Variants in DNHD1 observed in about 807,000 individuals in gnomAD.
The protein encoded by DNHD1 is dynein heavy chain domain 1, also known as dynein heavy chain domain-containing protein 1.
In DNHD1, 383 loss-of-function variants were observed where a neutral mutation model predicts 458.1. The ratio of observed to expected loss-of-function variants is 0.84; its 90% confidence interval spans 0.77 to 0.91. DNHD1 has a LOEUF of 0.91. DNHD1 is among the 40% of genes least tolerant of loss of function. DNHD1 has a pLI of 0.00. For missense variants in DNHD1, 5,336 were observed against 5,866.1 expected, an observed-to-expected ratio of 0.91 and a Z score of 2.95; for synonymous variants, 2,203 against 2,376.9, an observed-to-expected ratio of 0.93 and a Z score of 2.13.
chr11:6,499,966 T>G (rs1486933580), intron 3 of DNHD1, among the ~76,000 whole-genome samples: 2 of 9,542 alleles, frequency 2.1e-4, no homozygotes, highest in Non-Finnish European at 3.6e-4. Flanking sequence ...TAACTTTCGA[T>G]TTTTTTTTTT....
intron 4 of DNHD1, 199 bp from the exon 5 acceptor site, chr11:6,508,681 A>G: frequency 1.8e-6 from 1 of 570,298 alleles, no homozygotes; most frequent in Non-Finnish European, 3.1e-6. Flanking sequence ...CTTCCCATCT[A>G]CCTTTGGCTT....
intron 12 of DNHD1, 137 bp downstream of exon 12, chr11:6,529,258 G>A (rs925128903): frequency 7.4e-6 from 7 of 941,670 alleles, no homozygotes; most frequent in African/African-American, 3.3e-5. Flanking sequence ...TCCAAAGCCC[G>A]AGGTCCCAGG....
In DNHD1 at chr11:6,546,230, C is replaced by T. The variant is rs1282379135; in HGVS notation, c.5291C>T (p.Ala1764Val). The T allele has an allele frequency of 4.5e-6, 7 of 1,551,754 alleles. No homozygotes were observed. Among genetic ancestry groups the T allele is most frequent in the Non-Finnish European group, 6.1e-6 (7 of 1,146,928 alleles). The part of the protein sequence containing the change: ...QRLGELHHLY[A>V]PLYQEASRNT... The stretch of plus-strand genomic sequence containing the variant: ...CTGGGTGAACTGCACCACTTGTATG[C>T]CCCACTGTACCAGGAGGCTTCCCGA... The change falls in exon 21 of 43, where the codon GCC (alanine) becomes GTC (valine). Residue 1764 changes from alanine (A) to valine (V), a missense_variant. Around this residue, in one of 4 missense-constraint regions of DNHD1, gnomAD observed 3,932 missense variants for 4,365.6 expected, o/e 0.90. Coordinates refer to ENST00000254579, the MANE Select transcript of DNHD1 (RefSeq NM_144666.3).
In DNHD1 at chr11:6,548,060, A is replaced by G; in HGVS notation, c.6905+20A>G. The G allele has an allele frequency of 1.3e-6, 2 of 1,551,408 alleles. No individual in the cohort carries two copies. The highest frequency in any genetic ancestry group is 1.2e-5 in the South Asian group (1 of 84,034). On this transcript the variant is annotated intron_variant, in intron 22 of 42. Coordinates refer to ENST00000254579, the MANE Select transcript of DNHD1 (RefSeq NM_144666.3). The surrounding 1 kb of genome is among the most constrained non-coding windows in gnomAD (Gnocchi z 4.4). ...CTCCAGGTACCTACCAGGATGGGGG[A>G]TGGGAGATGCAGAGGGCTGAGATGG...
At chr11:6,508,103 A>T (rs2134373651) in intron 4 of DNHD1, 1 of 152,272 alleles carries the variant, frequency 6.6e-6, no homozygotes, top group Non-Finnish European at 1.5e-5. Flanking sequence ...AGTTATATAA[A>T]GAAAACTGAA....
chr11:6,498,235 G>T lies in DNHD1; in HGVS notation c.20G>T (p.Arg7Met). The change falls in exon 3 of 43, where the codon AGG (arginine) becomes ATG (methionine). Residue 7 changes from arginine to methionine, a missense_variant. By Grantham distance (91) the Arg-to-Met change is moderately conservative. Coordinates refer to ENST00000254579, the MANE Select transcript of DNHD1 (RefSeq NM_144666.3). Reference sequence around the variant, plus strand: ...CTCCTCATGGTCCCGGAGGAGAGGAGGGTAGGTTTGTCTTCTGATGAGACA... The same window carrying T: ...CTCCTCATGGTCCCGGAGGAGAGGATGGTAGGTTTGTCTTCTGATGAGACA... Reference protein sequence around the residue: MVPEERRVGLSSDETSS... With the variant: MVPEERMVGLSSDETSS... 1 of 1,613,288 alleles carries T rather than the reference G, an allele frequency of 6.2e-7. No individual in the cohort carries two copies. Among genetic ancestry groups the T allele is most frequent in the Middle Eastern group, 1.7e-4 (1 of 5,994 alleles).
At position 6,498,487 on chromosome 11, in the gene DNHD1, T is replaced by C. The variant is rs751233533; in HGVS notation, c.272T>C (p.Leu91Pro). Residue 91 changes from leucine to proline, a missense_variant, in exon 3 of 43, where the codon CTG becomes CCG. Physicochemically the swap from Leu to Pro is moderately conservative, Grantham distance 98. Coordinates refer to ENST00000254579, the MANE Select transcript of DNHD1 (RefSeq NM_144666.3). ...WRYLHAVLGLLPPYRELLVGH... is the reference protein window; with the variant it reads ...WRYLHAVLGLPPPYRELLVGH... ...TATCTTCATGCAGTACTGGGTCTAC[T>C]GCCTCCATATCGTGAGTTGCTAGTT... 1.9e-6 allele frequency: 3 copies of C among 1,614,122 alleles called. No individual in the cohort carries two copies. The South Asian group carries it at 3.3e-5, about 18-fold the overall frequency.
At position 6,561,913 on chromosome 11, in the gene DNHD1, T is replaced by C. The variant is rs140126415; in HGVS notation, c.9520-1069T>C. Among the ~76,000 whole-genome samples the C allele has an allele frequency of 1.6e-3, 250 of 152,008 alleles. 2 individuals are homozygous for C. The highest frequency in any genetic ancestry group is 6.8e-3 in the Middle Eastern group (2 of 294). The stretch of plus-strand genomic sequence containing the variant: ...AGAGAGAAAAGAGATGAGATTGAAA[T>C]GATGAGTAGGGGCCTGGTCATGGGG... On this transcript the variant is annotated intron_variant, in intron 28 of 42. Coordinates refer to ENST00000254579, the MANE Select transcript of DNHD1 (RefSeq NM_144666.3).
intron 10 of DNHD1, among the ~76,000 whole-genome samples, chr11:6,522,107 G>T (rs1480845492): frequency 1.3e-5 from 2 of 151,940 alleles, no homozygotes; most frequent in African/African-American, 2.4e-5. Context: ...TTGAGCTTTT[G>T]TTCATATGCT....
In DNHD1 at chr11:6,508,902, C is replaced by G; in HGVS notation, c.943C>G (p.Pro315Ala). ...AAGGCCTTACAGCCTGATGGTGGTG[C>G]CACCCGACAAGGTGAATCCCGAGCA... ...YFRPYSLMVV[P>A]PDKVNPEHYI... The change falls in exon 5 of 43, where the codon CCA becomes GCA. Residue 315 changes from proline (P) to alanine (A), a missense_variant. Transcript: ENST00000254579. The G allele has an allele frequency of 6.2e-7, 1 of 1,614,110 alleles. No individual in the cohort carries two copies. The highest frequency in any genetic ancestry group is 2.2e-5 in the East Asian group (1 of 44,872).
At position 6,548,018 on chromosome 11, in the gene DNHD1, T is replaced by C; in HGVS notation, c.6883T>C (p.Phe2295Leu). 1 of 1,551,664 alleles carries C rather than the reference T, an allele frequency of 6.4e-7. No homozygotes were observed. The highest frequency in any genetic ancestry group is 1.2e-5 in the South Asian group (1 of 84,050). ...TTTTCTTTTTGCCTTGATCTGGGGC[T>C]TTGGAGCCCACCTTCCCTCCAGGTA... ...SSFLFALIWG[F>L]GAHLPSRFWP... The change falls in exon 22 of 43, where the codon TTT (phenylalanine) becomes CTT (leucine). Residue 2295 changes from phenylalanine (F) to leucine (L), a missense_variant. This residue lies in a region of DNHD1 where 3,932 missense variants were observed against 4,365.6 expected (regional missense o/e 0.90). Coordinates refer to ENST00000254579, the MANE Select transcript of DNHD1 (RefSeq NM_144666.3). The surrounding 1 kb of genome is among the most constrained non-coding windows in gnomAD (Gnocchi z 4.4).
At chr11:6,544,515 C>A in intron 19 of DNHD1, 59 bp from the exon 20 acceptor site, 1 of 1,397,270 alleles carries the variant, frequency 7.2e-7, no homozygotes, top group Non-Finnish European at 9.9e-7. Flanking sequence ...GGGTGGACTC[C>A]CCTGCAGAAG....
intron 7 of DNHD1, among the ~76,000 whole-genome samples, chr11:6,515,496 A>G (rs899923160): frequency 2.6e-5 from 4 of 152,222 alleles, no homozygotes; most frequent in African/African-American, 9.6e-5. Flanking sequence ...GCTTCAAGGC[A>G]TGACAACTCT....
At position 6,556,888 on chromosome 11, in the gene DNHD1, C is replaced by G. The variant is rs182375304; in HGVS notation, c.7593C>G (p.Thr2531=). 82 of 1,551,700 alleles carry G rather than the reference C, an allele frequency of 5.3e-5. 1 individual carries two copies. The East Asian group carries it at 1.6e-3, about 31-fold the overall frequency. ...LFTVLALESM[T]QATLLERHVP... is the part of the protein sequence containing the mutation. ...CAGTCCTGGCCCTGGAAAGCATGAC[C>G]CAGGCCACCCTGCTGGAAAGACATG... The change falls in exon 25 of 43, where the codon ACC becomes ACG. Residue 2531 remains threonine (T), a synonymous_variant. Coordinates refer to ENST00000254579, the MANE Select transcript of DNHD1 (RefSeq NM_144666.3).
At chr11:6,501,301 A>AT (rs5789468) in intron 3 of DNHD1, among the ~76,000 whole-genome samples, 44 of 144,764 alleles carry the variant, frequency 3.0e-4, no homozygotes, top group African/African-American at 6.8e-4. Context: ...CTGGGTAGGG[A>AT]TTTTTTTTTT....
At chr11:6,564,832 T>A (rs1459841512) in intron 32 of DNHD1, 28 bp downstream of exon 32, 1 of 1,464,866 alleles carries the variant, frequency 6.8e-7, no homozygotes, top group African/African-American at 1.4e-5. Flanking sequence ...ATGCAATGCT[T>A]CCGGAGTATC....
In DNHD1 at chr11:6,498,556, G is replaced by A; in HGVS notation, c.341G>A (p.Trp114Ter). The change falls in exon 3 of 43, where the codon TGG becomes TAG. Residue 114 changes from tryptophan to a stop codon, truncating the protein, a stop_gained. Coordinates refer to ENST00000254579, the MANE Select transcript of DNHD1 (RefSeq NM_144666.3). LOFTEE classifies it high-confidence loss of function. The stretch of plus-strand genomic sequence containing the variant: ...CCCTTCCTGGAGCAGCTGTACTGCT[G>A]GGCACCCTGGGTCCAAACCCACCTC... ...LLPFLEQLYC[W>*]APWVQTHLHL... 1 of 1,614,174 alleles carries A rather than the reference G, an allele frequency of 6.2e-7. No individual in the cohort carries two copies. The highest frequency in any genetic ancestry group is 8.5e-7 in the Non-Finnish European group (1 of 1,180,028).
In DNHD1 at chr11:6,497,760, TG is replaced by T. The variant is rs1852056769; in HGVS notation, c.-445-10del. ...GGAACTCAAGTCTAAGTTCATTCAC[TG>T]CTCCAGCAGGCACTCTTCAATGAAA... is the stretch of plus-strand genomic sequence containing the variant. On this transcript the variant is annotated splice_polypyrimidine_tract_variant and intron_variant, in intron 2 of 42. Coordinates refer to ENST00000254579, the MANE Select transcript of DNHD1 (RefSeq NM_144666.3). The T allele has an allele frequency of 5.8e-6, 1 of 171,898 alleles. No individual in the cohort carries two copies. Among genetic ancestry groups the T allele is most frequent in the African/African-American group, 2.4e-5 (1 of 41,870 alleles). The allele number at this position is 171,898 out of a possible 1,614,324, so 10.6% of individuals were successfully genotyped here. A position where few individuals can be genotyped will look rare whatever the true frequency, so the allele number is the denominator to read the frequency against.
At chr11:6,549,166 G>GCTGTCT in intron 24 of DNHD1, 1 of 568,928 alleles carries the variant, frequency 1.8e-6, no homozygotes, top group Non-Finnish European at 3.1e-6. Flanking sequence ...CTAAGCACCA[G>GCTGTCT]ATCTGTCTAT....
Sources: gnomAD v4.1 joint callset for allele counts (sites outside exome capture counted in the v4.1 genomes callset) on GRCh38, gnomAD v4.1.1 for gene constraint, gnomAD v4.1.1 regional missense constraint, Gnocchi (gnomAD v3.1) non-coding constraint, MANE v1.5 for transcripts, NCBI Gene and HGNC (gene_info 2026-07-23, HGNC 2026-07-21) for gene names.